Variants in SARDH observed in about 807,000 individuals in gnomAD.
SARDH encodes sarcosine dehydrogenase, mitochondrial.
SARDH carries 95 observed loss-of-function variants against 109.1 expected under a neutral mutation model. That is an observed-to-expected ratio of 0.87 (90% CI 0.74 to 1.03). The LOEUF is 1.03. Ranked by LOEUF, SARDH falls within the 50% of genes least tolerant of loss-of-function variation. The probability of loss-of-function intolerance (pLI) is 0.00; values close to 1 mark genes in which losing one functional copy is unlikely to be tolerated. For synonymous variants in SARDH, 572 were observed against 534.8 expected, an observed-to-expected ratio of 1.07 and a Z score of -0.96; for missense variants, 1,267 against 1,287.8, an observed-to-expected ratio of 0.98 and a Z score of 0.25.
At chr9:133,701,893 A>G (rs972639688) in intron 13 of SARDH, among the ~76,000 whole-genome samples, 1 of 152,240 alleles carries the variant, frequency 6.6e-6, no homozygotes, top group Non-Finnish European at 1.5e-5. Flanking sequence ...GACCTTGCTC[A>G]AAGACCATGA....
chr9:133,671,989 T>A (rs1830366367), intron 17 of SARDH, among the ~76,000 whole-genome samples: 2 of 152,212 alleles, frequency 1.3e-5, no homozygotes, highest in South Asian at 4.1e-4. Flanking sequence ...CTACCTGTCA[T>A]AACAAACGAC....
At chr9:133,726,394 A>ATAATAATAATAGTAG (rs59172198) in intron 6 of SARDH, among the ~76,000 whole-genome samples, 91 of 132,348 alleles carry the variant, frequency 6.9e-4, no homozygotes, top group African/African-American at 2.3e-3. Flanking sequence ...AATAATAATA[A>ATAATAATAATAGTAG]TAGTAGTAGT....
At chr9:133,729,161 G>A (rs1832588336) in intron 6 of SARDH, among the ~76,000 whole-genome samples, 1 of 152,046 alleles carries the variant, frequency 6.6e-6, no homozygotes, top group Admixed American at 6.5e-5. Context: ...AGAGAGGAAT[G>A]AGTAAGGGAG....
At chr9:133,672,110 G>T (rs1228978979) in intron 17 of SARDH, among the ~76,000 whole-genome samples, 2 of 152,152 alleles carry the variant, frequency 1.3e-5, no homozygotes. Flanking sequence ...CTCCGGAGAC[G>T]ACCCTTCCAC....
rs1207762891 is a variant in SARDH at position 133,673,538 on chromosome 9, T to C, written c.2164-1841A>G. On this transcript the variant is annotated intron_variant, in intron 17 of 20. Transcript: ENST00000439388. Reference sequence around the variant, plus strand: ...GGCAGCTCCTTATAAACCTGACACTTTAATCACATGGCCGCCGAGGGGCTG... The same window carrying C: ...GGCAGCTCCTTATAAACCTGACACTCTAATCACATGGCCGCCGAGGGGCTG... 4.6e-5 allele frequency among the ~76,000 whole-genome samples: 7 copies of C among 152,326 alleles called. No individual in the cohort carries two copies. The East Asian group carries it at 1.4e-3, about 29-fold the overall frequency.
Position 133,666,910 on chromosome 9 carries a change from G to A in SARDH, c.2496-40C>T, listed in dbSNP as rs758425065. 14 of 1,609,848 alleles carry A rather than the reference G, an allele frequency of 8.7e-6. No individual in the cohort carries two copies. The highest frequency in any genetic ancestry group is 1.7e-4 in the Middle Eastern group (1 of 6,060). On this transcript the variant is annotated intron_variant, in intron 19 of 20. Coordinates refer to ENST00000439388, the MANE Select transcript of SARDH (RefSeq NM_001134707.2). This position sits in a 1 kb window ranked among gnomAD's most constrained non-coding sequence, Gnocchi z 5.2. Reference sequence around the variant, plus strand: ...AGAGAAAGCTGGGGCCCCAGAAACCGCAGGGTGGGGACGCGTCCACAGCGG... The same window carrying A: ...AGAGAAAGCTGGGGCCCCAGAAACCACAGGGTGGGGACGCGTCCACAGCGG...
At chr9:133,661,961 G>A (rs1420392746), downstream of SARDH, among the ~76,000 whole-genome samples, 3 of 152,212 alleles carry the variant, frequency 2.0e-5, no homozygotes, top group Non-Finnish European at 4.4e-5. Context: ...CTTTTGTGAT[G>A]TGGTCCCCGG....
chr9:133,732,449 G>C lies in SARDH; in HGVS notation c.484C>G (p.Leu162Val). Residue 162 changes from leucine (L) to valine (V), a missense_variant, in exon 3 of 21, where the codon CTG becomes GTG. By Grantham distance (32) the Leu-to-Val change is conservative. Transcript: ENST00000439388. ...GACATGAGCCTCTTGTACTCGTCCA[G>C]GCGCTGCCGGTTGGACGCGATGAAG... Reference protein sequence around the residue: ...GLFIASNRQRLDEYKRLMSLG... With the variant: ...GLFIASNRQRVDEYKRLMSLG... 1 of 1,430,346 alleles carries C rather than the reference G, an allele frequency of 7.0e-7. No individual in the cohort carries two copies. Among genetic ancestry groups the C allele is most frequent in the Non-Finnish European group, 9.4e-7 (1 of 1,063,696 alleles). The allele number at this position is 1,430,346 out of a possible 1,614,324, so 88.6% of individuals were successfully genotyped here. A position where few individuals can be genotyped will look rare whatever the true frequency, so the allele number is the denominator to read the frequency against.
rs374499762 is a variant in SARDH, at chr9:133,734,975, C to T, written c.-30-772G>A. Among the ~76,000 whole-genome samples the T allele has an allele frequency of 2.7e-4, 41 of 152,088 alleles. No homozygotes were observed. In the East Asian group the frequency reaches 6.6e-3, roughly 24 times the overall value. The stretch of plus-strand genomic sequence containing the variant: ...GGGAGGCAGGAGTGCCCAGAGAAGG[C>T]GGTGGTAGTGGCACAGCAGGGCAGG... On this transcript the variant is annotated intron_variant, in intron 1 of 20. Transcript: ENST00000439388.
chr9:133,722,641 C>T (rs896341208), intron 6 of SARDH, among the ~76,000 whole-genome samples: 3 of 92,052 alleles, frequency 3.3e-5, no homozygotes, highest in Non-Finnish European at 6.8e-5. Flanking sequence ...AAACTACTAG[C>T]GCTCTCTCTC....
In SARDH at chr9:133,718,602, C is replaced by T; in HGVS notation, c.1020+336G>A. On this transcript the variant is annotated intron_variant, in intron 7 of 20. Coordinates refer to ENST00000439388, the MANE Select transcript of SARDH (RefSeq NM_001134707.2). The surrounding 1 kb of genome is among the most constrained non-coding windows in gnomAD (Gnocchi z 4.2). The stretch of plus-strand genomic sequence containing the variant: ...GCCCAGGCCAGGGGAAATGCCGCTG[C>T]AGCAGCTGGTTGGGAGGGCAGTGTC... 3.9e-6 allele frequency: 3 copies of T among 766,818 alleles called. No individual in the cohort carries two copies. Among genetic ancestry groups the T allele is most frequent in the Admixed American group, 3.4e-5 (2 of 58,806 alleles). 47.5% of individuals were successfully genotyped at this position (766,818 alleles called of 1,614,324 possible). A position where few individuals can be genotyped will look rare whatever the true frequency, so the allele number is the denominator to read the frequency against.
At chr9:133,723,577 G>A (rs549829791) in intron 6 of SARDH, among the ~76,000 whole-genome samples, 95 of 152,142 alleles carry the variant, frequency 6.2e-4, no homozygotes, top group Non-Finnish European at 6.3e-4. Flanking sequence ...CCTTGCTAAC[G>A]TGGTGAAACC....
In SARDH at chr9:133,702,951, C is replaced by T. The variant is rs1831546121; in HGVS notation, c.1633G>A (p.Glu545Lys). The stretch of plus-strand genomic sequence containing the variant: ...TGGGGCGGGAAGGCGAAGGTGTACT[C>T]GTCTGCCAGCAGCCTGCGGTAGGCG... ...DYAYRRLLAD[E>K]YTFAFPPHHD... Residue 545 changes from glutamate to lysine, a missense_variant, in exon 13 of 21, where the codon GAG (glutamate) becomes AAG (lysine). By Grantham distance (56) the Glu-to-Lys change is moderately conservative (BLOSUM62 1). Coordinates refer to ENST00000439388, the MANE Select transcript of SARDH (RefSeq NM_001134707.2). The T allele has an allele frequency of 3.7e-6, 6 of 1,612,856 alleles. No homozygotes were observed. The East Asian group carries it at 1.3e-4, about 36-fold the overall frequency.
intron 16 of SARDH, among the ~76,000 whole-genome samples, chr9:133,687,924 C>T (rs952069696): frequency 3.3e-5 from 5 of 152,316 alleles, no homozygotes; most frequent in African/African-American, 1.2e-4. Context: ...AGGCAGCGAG[C>T]TCCTCTTCCC....
chr9:133,719,437 A>G lies in SARDH; in HGVS notation c.916-395T>C, dbSNP rs190342059. Among the ~76,000 whole-genome samples the G allele has an allele frequency of 9.2e-3, 1,396 of 152,196 alleles. 18 individuals are homozygous for G. The highest frequency in any genetic ancestry group is 0.031 in the African/African-American group (1,298 of 41,550). ...GCAGAGTGGATGGAGGAGGGGTGAG[A>G]CTTAGCTGGGGCTGGAGGAGAGGGA... is the stretch of plus-strand genomic sequence containing the variant. On this transcript the variant is annotated intron_variant, in intron 6 of 20. Transcript: ENST00000439388.
rs1035644554 is a variant in SARDH, at chr9:133,693,230, C to A, written c.1921+1028G>T. Among the ~76,000 whole-genome samples the A allele has an allele frequency of 2.0e-5, 3 of 152,200 alleles. No individual in the cohort carries two copies. The highest frequency in any genetic ancestry group is 7.2e-5 in the African/African-American group (3 of 41,448). ...GTGTTTGGCTCACTGTTGGGTCCTC[C>A]GTGCCTCAAACTGAGCCTGACACAC... On this transcript the variant is annotated intron_variant, in intron 15 of 20. Transcript: ENST00000439388. The surrounding 1 kb of genome is among the most constrained non-coding windows in gnomAD (Gnocchi z 5.6).
intron 17 of SARDH, among the ~76,000 whole-genome samples, chr9:133,673,091 C>A (rs1336197411): frequency 6.6e-6 from 1 of 152,202 alleles, no homozygotes; most frequent in Non-Finnish European, 1.5e-5. Flanking sequence ...CCTAGGCACA[C>A]CCTGCTCCGC....
At chr9:133,672,809 C>T (rs913027282) in intron 17 of SARDH, among the ~76,000 whole-genome samples, 65 of 152,214 alleles carry the variant, frequency 4.3e-4, no homozygotes, top group Non-Finnish European at 1.0e-4. Context: ...AGGAGATTGC[C>T]GTCGCAGACG....
In SARDH at chr9:133,666,721, A is replaced by G. The variant is rs1304692995; in HGVS notation, c.2631+14T>C. The G allele has an allele frequency of 6.3e-7, 1 of 1,580,472 alleles. No individual in the cohort carries two copies. The highest frequency in any genetic ancestry group is 8.6e-7 in the Non-Finnish European group (1 of 1,163,650). On this transcript the variant is annotated intron_variant, in intron 20 of 20. Coordinates refer to ENST00000439388, the MANE Select transcript of SARDH (RefSeq NM_001134707.2). The surrounding 1 kb of genome is among the most constrained non-coding windows in gnomAD (Gnocchi z 5.2). The stretch of plus-strand genomic sequence containing the variant: ...TCGGCATCTGCCTTAGCAGGGCCAG[A>G]GAAGGGGACTCACCGGCCCACCGCT...
Sources: gnomAD v4.1 joint callset for allele counts (sites outside exome capture counted in the v4.1 genomes callset) on GRCh38, gnomAD v4.1.1 for gene constraint, Gnocchi (gnomAD v3.1) non-coding constraint, MANE v1.5 for transcripts, NCBI Gene and HGNC (gene_info 2026-07-23, HGNC 2026-07-21) for gene names.